The following RARB variants were observed in gnomAD, a reference collection of about 807,000 sequenced individuals.
RARB encodes the protein retinoic acid receptor beta.
Under a neutral mutation model 51.9 loss-of-function variants are expected in RARB, and 17 were observed. The ratio of observed to expected loss-of-function variants is 0.33; its 90% CI spans 0.22 to 0.49. RARB has a LOEUF of 0.49. Ranked by LOEUF, RARB falls within the 20% of genes least tolerant of loss-of-function variation. The pLI is 0.99. For missense variants in RARB, 369 were observed against 550.8 expected (o/e 0.67, Z 3.30); for synonymous variants, 215 against 195.4 (o/e 1.10, Z -0.84).
intron 2 of RARB, among the ~76,000 whole-genome samples, chr3:25,469,456 A>T (rs1695590281): frequency 6.6e-6 from 1 of 152,204 alleles, no homozygotes. Flanking sequence ...ACAAAATAAC[A>T]TATCCAAAAC....
At chr3:24,993,073 C>A (rs759888225) in intron 2 of RARB, among the ~76,000 whole-genome samples, 2 of 151,992 alleles carry the variant, frequency 1.3e-5, no homozygotes, top group African/African-American at 2.4e-5. Flanking sequence ...AGTGAATATA[C>A]GTTAGCCAAC....
chr3:24,935,199 A>G (rs1326486424), intron 2 of RARB, among the ~76,000 whole-genome samples: 6 of 152,192 alleles, frequency 3.9e-5, no homozygotes, highest in African/African-American at 1.2e-4. Context: ...TTTAAACAGA[A>G]GTCAAATTGC....
At chr3:25,564,463 A>G (rs1325695035) in intron 3 of RARB, among the ~76,000 whole-genome samples, 1 of 152,156 alleles carries the variant, frequency 6.6e-6, no homozygotes, top group African/African-American at 2.4e-5. Context: ...TCTGGCTACT[A>G]CTGTAGGGGT....
chr3:24,992,854 A>T (rs1696942703), intron 2 of RARB, among the ~76,000 whole-genome samples: 1 of 151,016 alleles, frequency 6.6e-6, no homozygotes, highest in African/African-American at 2.5e-5. Context: ...AGCATTAGGG[A>T]TTAGGACTTC....
At chr3:25,021,304 A>AT (rs1402050058) in intron 2 of RARB, among the ~76,000 whole-genome samples, 3 of 152,070 alleles carry the variant, frequency 2.0e-5, no homozygotes, top group Admixed American at 6.6e-5. Flanking sequence ...TCAGTCAAGG[A>AT]TTTTTTCTGG....
At chr3:25,294,975 T>C (rs73154973) in intron 5 of RARB, among the ~76,000 whole-genome samples, 18,932 of 152,210 alleles carry the variant, frequency 0.12, 1,507 homozygotes, top group South Asian at 0.22. Flanking sequence ...TTAGTCCTGC[T>C]GTGTCTCATG....
chr3:25,280,974 A>G (rs1241113577), intron 5 of RARB, among the ~76,000 whole-genome samples: 2 of 152,238 alleles, frequency 1.3e-5, no homozygotes, highest in Non-Finnish European at 1.5e-5. Context: ...TTACCAGCTT[A>G]AGAACAAACT....
intron 3 of RARB, among the ~76,000 whole-genome samples, chr3:25,545,684 T>C (rs1699590211): frequency 6.6e-6 from 1 of 152,112 alleles, no homozygotes. Flanking sequence ...CCTGGGTAGC[T>C]ACAAGCCCAC....
chr3:25,384,819 G>A lies in RARB; in HGVS notation c.179-76374G>A, dbSNP rs78245443. 3.1e-3 allele frequency among the ~76,000 whole-genome samples: 469 copies of A among 152,286 alleles called. 3 individuals are homozygous for A. The highest frequency in any genetic ancestry group is 0.011 in the African/African-American group (445 of 41,544). On this transcript the variant is annotated intron_variant, in intron 5 of 11. Transcript: ENST00000383772. ...TTATGCTTTCAAGGGTAGAAAACCAGCTAGCCAAATTCTGTTCGTTCAGAA... is the reference window on the plus strand; with the variant it reads ...TTATGCTTTCAAGGGTAGAAAACCAACTAGCCAAATTCTGTTCGTTCAGAA...
intron 1 of RARB, among the ~76,000 whole-genome samples, chr3:24,854,791 C>G (rs910428511): frequency 4.0e-4 from 61 of 152,292 alleles, no homozygotes; most frequent in African/African-American, 1.4e-3. Flanking sequence ...TAAAAAATGT[C>G]TCCAAATATT....
At chr3:25,538,944 C>T (rs1192431128) in intron 3 of RARB, among the ~76,000 whole-genome samples, 1 of 152,222 alleles carries the variant, frequency 6.6e-6, no homozygotes, top group Non-Finnish European at 1.5e-5. Flanking sequence ...TTCCAAGATA[C>T]TACTCTGCTA....
chr3:25,578,372 T>C (rs1701027786), intron 4 of RARB, among the ~76,000 whole-genome samples: 2 of 152,236 alleles, frequency 1.3e-5, no homozygotes, highest in Admixed American at 6.5e-5. Context: ...TTATTTTTAA[T>C]AGAAGGTACG....
intron 2 of RARB, chr3:25,462,430 C>T (rs1159998957): frequency 6.6e-6 from 1 of 152,176 alleles, no homozygotes; most frequent in Non-Finnish European, 1.5e-5. Context: ...TTTAAGTCCT[C>T]TCTGGATGGT....
At chr3:24,932,386 T>C (rs1695459230) in intron 2 of RARB, among the ~76,000 whole-genome samples, 1 of 152,104 alleles carries the variant, frequency 6.6e-6, no homozygotes, top group Non-Finnish European at 1.5e-5. Flanking sequence ...ACTTAGATGT[T>C]TGCAACAGCT....
intron 6 of RARB, among the ~76,000 whole-genome samples, chr3:25,593,966 A>G (rs1025666714): frequency 1.3e-5 from 2 of 152,176 alleles, no homozygotes; most frequent in African/African-American, 4.8e-5. Flanking sequence ...TCTTAAAGGC[A>G]GGATCACACT....
At chr3:25,296,950 C>T (rs1033427230) in intron 5 of RARB, among the ~76,000 whole-genome samples, 2 of 152,176 alleles carry the variant, frequency 1.3e-5, no homozygotes, top group African/African-American at 4.8e-5. Context: ...CCGTGAGGCT[C>T]GTGGACTGAG....
At chr3:25,081,479 G>A (rs1482105599) in intron 3 of RARB, among the ~76,000 whole-genome samples, 1 of 147,706 alleles carries the variant, frequency 6.8e-6, no homozygotes, top group Non-Finnish European at 1.5e-5. Context: ...ACTGATTTTT[G>A]TTTACTTGAT....
rs576634463 is a variant in RARB at position 25,062,546 on chromosome 3, AAATC to A, written c.-328+2373_-328+2376del. 2.4e-3 allele frequency among the ~76,000 whole-genome samples: 361 copies of A among 152,104 alleles called. 2 individuals are homozygous for A. Among genetic ancestry groups the A allele is most frequent in the Middle Eastern group, 0.014 (4 of 294 alleles). ...AATGTTCACTGTGTATTATAACTGAAAATCAAAGCCTGCTTAAATCATGATATGT... is the reference window on the plus strand; with the variant it reads ...AATGTTCACTGTGTATTATAACTGAAAAAGCCTGCTTAAATCATGATATGT... On this transcript the variant is annotated intron_variant, in intron 3 of 11. Transcript: ENST00000383772.
rs545895597 is a variant in RARB at position 24,979,234 on chromosome 3, T to A, written c.-379-80891T>A. Among the ~76,000 whole-genome samples, 9 of 152,300 alleles carry A rather than the reference T, an allele frequency of 5.9e-5. No homozygotes were observed. The South Asian group carries it at 1.9e-3, about 32-fold the overall frequency. On this transcript the variant is annotated intron_variant, in intron 2 of 11. Coordinates refer to the RARB transcript ENST00000383772. ...TGAGAAGAATGTATATTCTGTTGAT[T>A]TGGGGTGGAAAGTTCTGTAGATGTC... is the stretch of plus-strand genomic sequence containing the variant.
Sources: allele counts gnomAD v4.1 joint callset (sites outside exome capture counted in the v4.1 genomes callset), GRCh38; gene constraint gnomAD v4.1.1; transcripts MANE v1.5; gene names NCBI Gene and HGNC (gene_info 2026-07-23, HGNC 2026-07-21).